Variants in SH2D4A observed in about 807,000 individuals in gnomAD.
The protein encoded by SH2D4A is SH2 domain-containing protein 4A.
In SH2D4A, 70 loss-of-function variants were observed where a neutral mutation model predicts 64.7. The observed-to-expected ratio is 1.08, with a 90% CI of 0.89 to 1.32. SH2D4A has a LOEUF of 1.32. Among genes scored for constraint, SH2D4A ranks in the 40% most tolerant of loss-of-function variants. The pLI is 0.00. For missense variants in SH2D4A, 706 were observed against 540.1 expected (o/e 1.31, Z -3.04); for synonymous variants, 268 against 200.7 (o/e 1.34, Z -2.83).
In SH2D4A at chr8:19,396,084, A is replaced by ACAGGGACT. The variant is rs1474218262; in HGVS notation, c.*1443_*1450dup. 5 of 152,300 alleles carry ACAGGGACT rather than the reference A, an allele frequency of 3.3e-5. No homozygotes were observed. Among genetic ancestry groups the ACAGGGACT allele is most frequent in the African/African-American group, 1.2e-4 (5 of 41,560 alleles). 9.4% of individuals were successfully genotyped at this position (152,300 alleles called of 1,614,324 possible). On this transcript the variant is annotated 3_prime_UTR_variant, in exon 10 of 10. Coordinates refer to ENST00000265807, the MANE Select transcript of SH2D4A (RefSeq NM_022071.4). ...TCCCAGTCAGGCGAACGGCCTCTGG[A>ACAGGGACT]CAGGGACTGAGGTGGCTCTGAGCCA...
chr8:19,390,972 C>A (rs2053483019), intron 8 of SH2D4A, among the ~76,000 whole-genome samples: 1 of 152,296 alleles, frequency 6.6e-6, no homozygotes, highest in African/African-American at 2.4e-5. Context: ...TAAATTGTAA[C>A]ACCTGCCCCA....
intron 8 of SH2D4A, among the ~76,000 whole-genome samples, chr8:19,382,755 C>T (rs1162529091): frequency 7.3e-6 from 1 of 136,570 alleles, no homozygotes; most frequent in Non-Finnish European, 1.7e-5. Context: ...TGGGGATAAT[C>T]TTATTGACCA....
chr8:19,349,988 G>A (rs1313231308), intron 4 of SH2D4A, among the ~76,000 whole-genome samples: 2 of 152,206 alleles, frequency 1.3e-5, no homozygotes, highest in Non-Finnish European at 2.9e-5. Flanking sequence ...ATAGGCGTGA[G>A]CCACTGTGCC....
intron 8 of SH2D4A, among the ~76,000 whole-genome samples, chr8:19,389,462 G>T (rs2053449161): frequency 6.6e-6 from 1 of 152,150 alleles, no homozygotes; most frequent in African/African-American, 2.4e-5. Flanking sequence ...CACACAGAGA[G>T]GAGTGGGACC....
intron 8 of SH2D4A, among the ~76,000 whole-genome samples, chr8:19,375,962 C>A (rs1193106629): frequency 5.3e-5 from 8 of 152,168 alleles, no homozygotes; most frequent in Non-Finnish European, 8.8e-5. Flanking sequence ...CCAGTCCCAT[C>A]TCAAGCCACT....
rs73212511 is a variant in SH2D4A, at chr8:19,366,828, A to G, written c.917+2546A>G. On this transcript the variant is annotated intron_variant, in intron 7 of 9. Transcript: ENST00000265807. ...AAAAGATCAACCTTTTTGATTCCAC[A>G]GAAGAGTGAGGTCATGCAGTGTTTG... Among the ~76,000 whole-genome samples the G allele has an allele frequency of 8.1e-3, 1,231 of 152,280 alleles. 7 individuals carry two copies. Among genetic ancestry groups the G allele is most frequent in the Non-Finnish European group, 0.013 (897 of 68,018 alleles).
chr8:19,340,257 A>G (rs558607376), intron 4 of SH2D4A, among the ~76,000 whole-genome samples: 20 of 152,262 alleles, frequency 1.3e-4, no homozygotes, highest in Admixed American at 9.2e-4. Flanking sequence ...GCCAGGCAAG[A>G]CAGGGTCTTG....
rs141696961 is a variant in SH2D4A, at chr8:19,319,919, A to G, written c.181+191A>G. Reference sequence around the variant, plus strand: ...TACACACACACACACAGCATTCACCATGGAGTTGCATAGCTATGAGGAAAT... The same window carrying G: ...TACACACACACACACAGCATTCACCGTGGAGTTGCATAGCTATGAGGAAAT... On this transcript the variant is annotated intron_variant, in intron 2 of 9. Coordinates refer to ENST00000265807, the MANE Select transcript of SH2D4A (RefSeq NM_022071.4). 1.4e-3 allele frequency among the ~76,000 whole-genome samples: 218 copies of G among 152,288 alleles called. 1 individual carries two copies. In the East Asian group the frequency reaches 0.024, roughly 16 times the overall value.
chr8:19,366,917 G>A (rs774774983), intron 7 of SH2D4A, among the ~76,000 whole-genome samples: 1 of 152,160 alleles, frequency 6.6e-6, no homozygotes, highest in Non-Finnish European at 1.5e-5. Flanking sequence ...TGTTGCAAAT[G>A]ACAGGACATT....
intron 8 of SH2D4A, among the ~76,000 whole-genome samples, chr8:19,383,839 G>A (rs1220651147): frequency 6.6e-6 from 1 of 151,870 alleles, no homozygotes; most frequent in South Asian, 2.1e-4. Flanking sequence ...TAAGGAGGAG[G>A]GATTTTTAAA....
intron 3 of SH2D4A, 127 bp downstream of exon 3, chr8:19,333,241 C>T: frequency 1.0e-6 from 1 of 964,758 alleles, no homozygotes; most frequent in Non-Finnish European, 1.5e-6. Context: ...ACAAAAGTCA[C>T]TTTGGATCTC....
intron 2 of SH2D4A, among the ~76,000 whole-genome samples, chr8:19,322,927 C>T (rs941858102): frequency 7.9e-5 from 12 of 152,024 alleles, no homozygotes; most frequent in East Asian, 5.8e-4. Flanking sequence ...CACCCACCTC[C>T]GCCTCCCAAA....
chr8:19,370,730 T>C (rs1444254096), intron 7 of SH2D4A, among the ~76,000 whole-genome samples: 1 of 152,178 alleles, frequency 6.6e-6, no homozygotes, highest in Non-Finnish European at 1.5e-5. Flanking sequence ...TCCATTGATA[T>C]GCAAGGTAAT....
chr8:19,347,362 A>G (rs774723193), intron 4 of SH2D4A, among the ~76,000 whole-genome samples: 3 of 152,136 alleles, frequency 2.0e-5, no homozygotes, highest in Non-Finnish European at 2.9e-5. Context: ...GACTCACCCT[A>G]CCTAGGGGAG....
chr8:19,358,606 C>T (rs1413649792), intron 5 of SH2D4A, among the ~76,000 whole-genome samples: 1 of 152,156 alleles, frequency 6.6e-6, no homozygotes, highest in Non-Finnish European at 1.5e-5. Flanking sequence ...GAGGCACTAC[C>T]TCACTTGGCA....
intron 4 of SH2D4A, among the ~76,000 whole-genome samples, chr8:19,356,369 C>T (rs571555035): frequency 3.3e-5 from 5 of 152,160 alleles, no homozygotes; most frequent in Admixed American, 6.5e-5. Context: ...TGACAATTTC[C>T]GATGTATGCC....
At chr8:19,387,909 A>C (rs962801286) in intron 8 of SH2D4A, among the ~76,000 whole-genome samples, 5 of 152,234 alleles carry the variant, frequency 3.3e-5, no homozygotes, top group Admixed American at 1.3e-4. Context: ...TAAGATAATG[A>C]AGTGAGGATG....
intron 7 of SH2D4A, among the ~76,000 whole-genome samples, chr8:19,369,359 T>G (rs74761668): frequency 0.029 from 4,397 of 152,136 alleles, 221 homozygotes; most frequent in African/African-American, 0.1. Context: ...ATAGAATGAG[T>G]TAGGAAGAAT....
chr8:19,332,035 T>G (rs7832867), intron 2 of SH2D4A, among the ~76,000 whole-genome samples: 29,655 of 151,992 alleles, frequency 0.2, 3,247 homozygotes, highest in Middle Eastern at 0.29. Context: ...CATGCCTGCA[T>G]TCCTAACTAC....
Sources: gnomAD v4.1 joint callset for allele counts (sites outside exome capture counted in the v4.1 genomes callset) on GRCh38, gnomAD v4.1.1 for gene constraint, MANE v1.5 for transcripts, NCBI Gene and HGNC (gene_info 2026-07-23, HGNC 2026-07-21) for gene names.